Variants in CLSTN2 observed in about 807,000 individuals in gnomAD.
CLSTN2 encodes the protein calsyntenin 2, also known as calsyntenin-2.
CLSTN2 carries 48 observed loss-of-function variants against 101.2 expected under a neutral mutation model. That is an observed-to-expected ratio of 0.47 (90% CI 0.38 to 0.60). The LOEUF is 0.60. Among genes scored for constraint, CLSTN2 ranks in the 20% least tolerant of loss-of-function variants. CLSTN2 has a pLI of 0.00. For synonymous variants in CLSTN2, 481 were observed against 463.6 expected, an observed-to-expected ratio of 1.04 and a Z score of -0.48; for missense variants, 1,160 against 1,238.2, an observed-to-expected ratio of 0.94 and a Z score of 0.95.
intron 2 of CLSTN2, among the ~76,000 whole-genome samples, chr3:140,305,025 C>G (rs916935451): frequency 5.6e-5 from 3 of 53,388 alleles, no homozygotes; most frequent in African/African-American, 2.0e-4. Flanking sequence ...CACACAGAGA[C>G]ACACACACAC....
intron 8 of CLSTN2, among the ~76,000 whole-genome samples, chr3:140,468,577 C>G (rs1933762991): frequency 2.0e-5 from 3 of 152,162 alleles, no homozygotes; most frequent in Admixed American, 2.0e-4. Flanking sequence ...CTGTGCTAGG[C>G]AGGATGCACG....
In CLSTN2 at chr3:140,459,635, G is replaced by T; in HGVS notation, c.1088G>T (p.Gly363Val). The T allele has an allele frequency of 6.2e-7, 1 of 1,614,146 alleles. No homozygotes were observed. Among genetic ancestry groups the T allele is most frequent in the Non-Finnish European group, 8.5e-7 (1 of 1,180,006 alleles). ...ATCTTCAAGTTTGACGGCAGGCAGG[G>T]TGCCAAAGTCCCCGATGGGATTGTG... Reference protein sequence around the residue: ...EMIFKFDGRQGAKVPDGIVPK... With the variant: ...EMIFKFDGRQVAKVPDGIVPK... The change falls in exon 7 of 17, where the codon GGT becomes GTT. Residue 363 changes from glycine (G) to valine (V), a missense_variant. By Grantham distance (109) the Gly-to-Val change is moderately radical. Transcript: ENST00000458420.
intron 2 of CLSTN2, among the ~76,000 whole-genome samples, chr3:140,197,972 T>C (rs2010667219): frequency 6.6e-6 from 1 of 152,210 alleles, no homozygotes; most frequent in Non-Finnish European, 1.5e-5. Flanking sequence ...TGTTATCCTG[T>C]GGATCCTGGG....
At chr3:140,242,064 T>G (rs2086474382) in intron 2 of CLSTN2, among the ~76,000 whole-genome samples, 1 of 151,912 alleles carries the variant, frequency 6.6e-6, no homozygotes, top group South Asian at 2.1e-4. Context: ...CCCGCCACCA[T>G]GCCTGGCTGG....
intron 2 of CLSTN2, among the ~76,000 whole-genome samples, chr3:140,385,900 T>C (rs2088047109): frequency 6.6e-6 from 1 of 152,142 alleles, no homozygotes; most frequent in Non-Finnish European, 1.5e-5. Context: ...GAGCTGAAAC[T>C]TGACAGCTGG....
At chr3:140,318,180 T>C (rs879324402) in intron 2 of CLSTN2, among the ~76,000 whole-genome samples, 8 of 152,174 alleles carry the variant, frequency 5.3e-5, no homozygotes, top group Admixed American at 3.3e-4. Context: ...TCAGGCAGTC[T>C]TCTGGGAATG....
chr3:140,281,213 A>G (rs917657093), intron 2 of CLSTN2, among the ~76,000 whole-genome samples: 30 of 152,332 alleles, frequency 2.0e-4, no homozygotes, highest in Middle Eastern at 3.4e-3. Context: ...ATCTCATTCA[A>G]TCAGCCCTAG....
chr3:140,489,910 C>T (rs990635674), intron 8 of CLSTN2, among the ~76,000 whole-genome samples: 9 of 149,580 alleles, frequency 6.0e-5, no homozygotes, highest in East Asian at 4.0e-4. Flanking sequence ...AGAAATAGTG[C>T]GTCTAGGGTC....
chr3:140,436,728 T>C (rs1376740978), intron 5 of CLSTN2, among the ~76,000 whole-genome samples: 1 of 152,228 alleles, frequency 6.6e-6, no homozygotes, highest in African/African-American at 2.4e-5. Context: ...AGAACCTGTC[T>C]GGGGCCTCTA....
intron 9 of CLSTN2, among the ~76,000 whole-genome samples, chr3:140,536,559 G>A (rs1351165871): frequency 6.6e-6 from 1 of 152,040 alleles, no homozygotes; most frequent in African/African-American, 2.4e-5. Context: ...AAATGAAGCT[G>A]GAAAATAATC....
intron 2 of CLSTN2, among the ~76,000 whole-genome samples, chr3:140,344,071 C>A (rs780123524): frequency 6.6e-6 from 1 of 152,200 alleles, no homozygotes; most frequent in Non-Finnish European, 1.5e-5. Context: ...TCTTCTCCAG[C>A]GTCCTCTCTT....
intron 1 of CLSTN2, among the ~76,000 whole-genome samples, chr3:140,087,504 G>A (rs911667664): frequency 1.2e-4 from 18 of 152,306 alleles, no homozygotes; most frequent in Admixed American, 7.2e-4. Context: ...TCTCTTGTAA[G>A]TAGTTCATTC....
intron 4 of CLSTN2, among the ~76,000 whole-genome samples, chr3:140,416,130 T>C (rs948848571): frequency 6.6e-6 from 1 of 152,178 alleles, no homozygotes; most frequent in Non-Finnish European, 1.5e-5. Flanking sequence ...CCTCATGATA[T>C]CACTTGTATG....
rs188840832 is a variant in CLSTN2, at chr3:140,283,172, A to C, written c.232+107099A>C. Among the ~76,000 whole-genome samples the C allele has an allele frequency of 3.3e-4, 51 of 152,302 alleles. 1 individual carries two copies. In the East Asian group the frequency reaches 7.3e-3, roughly 22 times the overall value. ...TATAATATACAAGGTTCTAGAGACT[A>C]ATATGGCAAACTTTGTTTTCCTGTT... is the stretch of plus-strand genomic sequence containing the variant. On this transcript the variant is annotated intron_variant, in intron 2 of 16. Coordinates refer to ENST00000458420, the MANE Select transcript of CLSTN2 (RefSeq NM_022131.3).
chr3:140,267,579 G>A (rs765614676), intron 2 of CLSTN2, among the ~76,000 whole-genome samples: 3 of 152,188 alleles, frequency 2.0e-5, no homozygotes, highest in Non-Finnish European at 4.4e-5. Context: ...CACATCTTTA[G>A]CCAAATAGGT....
intron 1 of CLSTN2, among the ~76,000 whole-genome samples, chr3:140,108,712 T>C (rs1015779526): frequency 6.6e-6 from 1 of 152,166 alleles, no homozygotes; most frequent in Non-Finnish European, 1.5e-5. Flanking sequence ...ATGGTATTTA[T>C]TTTGTTTTGT....
At chr3:140,036,407 C>T (rs369838089) in intron 1 of CLSTN2, among the ~76,000 whole-genome samples, 10 of 152,150 alleles carry the variant, frequency 6.6e-5, no homozygotes, top group Non-Finnish European at 1.5e-4. Context: ...ATAACCCCCT[C>T]GGCCTTGTGA....
intron 2 of CLSTN2, among the ~76,000 whole-genome samples, chr3:140,339,078 C>T (rs1399787309): frequency 2.0e-5 from 3 of 152,188 alleles, no homozygotes. Context: ...GACCCACAGC[C>T]ACACCATCTG....
chr3:140,550,070 G>T (rs1935675679), intron 10 of CLSTN2, among the ~76,000 whole-genome samples: 1 of 151,246 alleles, frequency 6.6e-6, no homozygotes, highest in East Asian at 2.0e-4. Context: ...GTGGAAGAGT[G>T]GGAAAGAGCA....
Sources: gnomAD v4.1 joint callset for allele counts (sites outside exome capture counted in the v4.1 genomes callset) on GRCh38, gnomAD v4.1.1 for gene constraint, MANE v1.5 for transcripts, NCBI Gene and HGNC (gene_info 2026-07-23, HGNC 2026-07-21) for gene names.